Variants in TMTC4 observed in about 807,000 individuals in gnomAD.
The protein encoded by TMTC4 is protein O-mannosyl-transferase TMTC4.
A neutral mutation model predicts 86.0 loss-of-function variants in TMTC4; 65 were observed. That is an observed-to-expected ratio of 0.76 (90% CI 0.62 to 0.93). TMTC4 has a LOEUF of 0.93. TMTC4 is among the 40% of genes least tolerant of loss of function. The pLI is 0.00. For missense variants in TMTC4, 866 were observed against 948.1 expected, an observed-to-expected ratio of 0.91 and a Z score of 1.14; for synonymous variants, 379 against 382.5, an observed-to-expected ratio of 0.99 and a Z score of 0.11.
chr13:100,673,405 C>T, intron 1 of TMTC4: 1 of 963,760 alleles, frequency 1.0e-6, no homozygotes, highest in Non-Finnish European at 1.2e-6. Flanking sequence ...TCTGCCCAGC[C>T]TTTCTACCTC....
chr13:100,609,676 T>TACACACACAC, intron 17 of TMTC4, among the ~76,000 whole-genome samples: 1 of 144,044 alleles, frequency 6.9e-6, no homozygotes, highest in African/African-American at 2.7e-5. Flanking sequence ...TAAATGTATA[T>TACACACACAC]ATATACACAC....
chr13:100,624,493 G>C (rs1188591195), intron 15 of TMTC4: 1 of 153,428 alleles, frequency 6.5e-6, no homozygotes, highest in Admixed American at 6.5e-5. Context: ...GAAAGCCATC[G>C]ACAAGCAGCT....
At chr13:100,624,638 A>G (rs1272093539) in intron 15 of TMTC4, among the ~76,000 whole-genome samples, 1 of 152,230 alleles carries the variant, frequency 6.6e-6, no homozygotes, top group Non-Finnish European at 1.5e-5. Context: ...AAACGAGGGC[A>G]GCAGACATCT....
At chr13:100,640,763 C>T (rs1278240094) in intron 7 of TMTC4, among the ~76,000 whole-genome samples, 3 of 150,970 alleles carry the variant, frequency 2.0e-5, no homozygotes, top group Admixed American at 6.6e-5. Flanking sequence ...GCTGTAATCA[C>T]GCCACTGCCC....
rs915018433 is a variant in TMTC4 at position 100,644,305 on chromosome 13, G to A, written c.641-1994C>T. ...TTTTTAGTAGAGACGGGGTTTCACC[G>A]TGTTAGCCAGGATGGTCTCCATCTC... On this transcript the variant is annotated intron_variant, in intron 6 of 18. Coordinates refer to ENST00000342624, the MANE Select transcript of TMTC4 (RefSeq NM_032813.5). 9.9e-5 allele frequency among the ~76,000 whole-genome samples: 15 copies of A among 151,840 alleles called. No homozygotes were observed. The East Asian group carries it at 1.2e-3, about 12-fold the overall frequency.
At chr13:100,620,604 T>A (rs1034849745) in intron 15 of TMTC4, among the ~76,000 whole-genome samples, 1 of 152,202 alleles carries the variant, frequency 6.6e-6, no homozygotes. Flanking sequence ...TAGAATGGTT[T>A]CTGTTTTCCT....
Position 100,606,364 on chromosome 13 carries a change from T to TA in TMTC4, c.2127dup (p.Asn710Ter). 6.2e-7 allele frequency: 1 copy of TA among 1,613,426 alleles called. No individual in the cohort carries two copies. The highest frequency in any genetic ancestry group is 8.5e-7 in the Non-Finnish European group (1 of 1,179,814). ...AGTTGAACATTTTTCTTACCCAAAT[T>TA]ACCATGGTAACTTGCAGCATTTGGA... On this transcript the variant is annotated frameshift_variant, in exon 18 of 19. Transcript: ENST00000342624. LOFTEE classifies it high-confidence loss of function.
At chr13:100,666,236 A>C (rs1012545205) in intron 3 of TMTC4, 38 of 338,312 alleles carry the variant, frequency 1.1e-4, no homozygotes, top group Admixed American at 1.1e-3. Flanking sequence ...GCAACTCCAC[A>C]CTGCAAGGAA....
At chr13:100,612,636 T>A in intron 16 of TMTC4, 126 bp from the exon 17 acceptor site, 2 of 637,048 alleles carry the variant, frequency 3.1e-6, no homozygotes, top group Middle Eastern at 2.8e-4. Flanking sequence ...CTTAAGAAAA[T>A]CTGTGTAGAT....
chr13:100,674,892 G>A, upstream of TMTC4: 1 of 981,790 alleles, frequency 1.0e-6, no homozygotes, highest in Non-Finnish European at 1.2e-6. Flanking sequence ...CTCCCCACGC[G>A]CGCGGGCGCC....
chr13:100,623,968 G>T, intron 15 of TMTC4: 1 of 412,004 alleles, frequency 2.4e-6, no homozygotes, highest in South Asian at 1.9e-5. Context: ...TATGGGTCCA[G>T]TCTCTTCCTT....
chr13:100,656,541 A>AAT, intron 5 of TMTC4, 73 bp from the exon 6 acceptor site: 28 of 462,886 alleles, frequency 6.0e-5, no homozygotes, highest in East Asian at 1.3e-4. Flanking sequence ...AGGAGACATA[A>AAT]CTTTTTTTTT....
chr13:100,626,663 C>T (rs912098887), intron 12 of TMTC4, among the ~76,000 whole-genome samples: 1 of 152,182 alleles, frequency 6.6e-6, no homozygotes, highest in African/African-American at 2.4e-5. Context: ...CCCTCACCTA[C>T]ACACTCCACT....
intron 3 of TMTC4, among the ~76,000 whole-genome samples, chr13:100,666,479 G>A (rs1016335946): frequency 1.1e-4 from 16 of 152,268 alleles, no homozygotes; most frequent in Admixed American, 9.8e-4. Context: ...CAGAAGGAAC[G>A]AGAATTACAC....
intron 6 of TMTC4, among the ~76,000 whole-genome samples, chr13:100,651,499 A>C (rs1566622986): frequency 6.8e-5 from 1 of 14,788 alleles, no homozygotes; most frequent in East Asian, 0.05. Flanking sequence ...TATGCACCAA[A>C]AAAAAAAAAA....
At chr13:100,650,462 G>T (rs1283224) in intron 6 of TMTC4, among the ~76,000 whole-genome samples, 6 of 152,200 alleles carry the variant, frequency 3.9e-5, no homozygotes, top group African/African-American at 1.2e-4. Flanking sequence ...AAAGCATCAC[G>T]TTGTACAAGT....
At chr13:100,646,637 G>C (rs1473672877) in intron 6 of TMTC4, among the ~76,000 whole-genome samples, 1 of 152,184 alleles carries the variant, frequency 6.6e-6, no homozygotes, top group Non-Finnish European at 1.5e-5. Context: ...CTTGGGCAGC[G>C]ATCCTCCAAG....
intron 12 of TMTC4, among the ~76,000 whole-genome samples, chr13:100,630,613 G>C (rs370354639): frequency 6.6e-6 from 1 of 152,154 alleles, no homozygotes. Context: ...CCTAGGGCCG[G>C]AGAATCCAAT....
chr13:100,655,709 G>A (rs1885023275), intron 6 of TMTC4, among the ~76,000 whole-genome samples: 1 of 152,244 alleles, frequency 6.6e-6, no homozygotes, highest in Non-Finnish European at 1.5e-5. Context: ...CTGCTCAGCT[G>A]TCCCCAAACT....
Sources: gnomAD v4.1 joint callset for allele counts (sites outside exome capture counted in the v4.1 genomes callset) on GRCh38, gnomAD v4.1.1 for gene constraint, MANE v1.5 for transcripts, NCBI Gene and HGNC (gene_info 2026-07-23, HGNC 2026-07-21) for gene names.